Variants in ADAMTSL3 observed in about 807,000 individuals in gnomAD.
ADAMTSL3 encodes ADAMTS-like protein 3.
ADAMTSL3 carries 128 observed loss-of-function variants against 201.7 expected under a neutral mutation model. The ratio of observed to expected loss-of-function variants is 0.63; its 90% CI spans 0.55 to 0.73. The LOEUF (loss-of-function observed/expected upper bound fraction) is 0.73. Ranked by LOEUF, ADAMTSL3 falls within the 30% of genes least tolerant of loss-of-function variation. The probability of loss-of-function intolerance (pLI) is 0.00; values close to 1 mark genes in which losing one functional copy is unlikely to be tolerated. For missense variants in ADAMTSL3, 1,990 were observed against 2,119.6 expected (o/e 0.94, Z 1.20); for synonymous variants, 738 against 748.4 (o/e 0.99, Z 0.23).
intron 2 of ADAMTSL3, among the ~76,000 whole-genome samples, chr15:83,686,319 C>A (rs1471458972): frequency 6.6e-6 from 1 of 152,138 alleles, no homozygotes; most frequent in African/African-American, 2.4e-5. Flanking sequence ...AGGGGACAAA[C>A]AGATTTGTGG....
At chr15:83,687,820 G>C (rs2061558411) in intron 2 of ADAMTSL3, among the ~76,000 whole-genome samples, 1 of 152,240 alleles carries the variant, frequency 6.6e-6, no homozygotes, top group East Asian at 1.9e-4. Context: ...CTGATGGCGG[G>C]GATGGAGGAA....
intron 2 of ADAMTSL3, among the ~76,000 whole-genome samples, chr15:83,675,059 A>G (rs2061384254): frequency 6.6e-6 from 1 of 151,936 alleles, no homozygotes; most frequent in Admixed American, 6.6e-5. Context: ...TTGCTAATAC[A>G]CAGAAATACA....
intron 3 of ADAMTSL3, among the ~76,000 whole-genome samples, chr15:83,737,492 T>C (rs2062386599): frequency 6.6e-6 from 1 of 152,172 alleles, no homozygotes; most frequent in African/African-American, 2.4e-5. Flanking sequence ...CACTCTTCTC[T>C]CTTGCCTGCC....
chr15:83,799,578 A>G (rs1012816521), intron 4 of ADAMTSL3, among the ~76,000 whole-genome samples: 19 of 152,160 alleles, frequency 1.2e-4, no homozygotes, highest in African/African-American at 4.1e-4. Flanking sequence ...TTGAGTCAAT[A>G]TATCATCAAA....
At chr15:83,964,512 T>TA (rs930058973) in intron 19 of ADAMTSL3, among the ~76,000 whole-genome samples, 4 of 151,704 alleles carry the variant, frequency 2.6e-5, no homozygotes, top group Non-Finnish European at 5.9e-5. Context: ...CTCCAAGAAA[T>TA]ATGGGACTAT....
chr15:83,962,705 A>G (rs990700771), intron 19 of ADAMTSL3: 9 of 152,336 alleles, frequency 5.9e-5, no homozygotes, highest in African/African-American at 2.2e-4. Flanking sequence ...GTATCATAAA[A>G]TCAAAATCAG....
intron 3 of ADAMTSL3, among the ~76,000 whole-genome samples, chr15:83,714,870 C>CTT (rs2061990004): frequency 7.3e-5 from 1 of 13,678 alleles, no homozygotes; most frequent in Non-Finnish European, 1.0e-4. Flanking sequence ...CCCTCCCTCC[C>CTT]TCCCTCCCTT....
rs192497718 is a variant in ADAMTSL3, at chr15:83,786,353, A to G, written c.317+12703A>G. On this transcript the variant is annotated intron_variant, in intron 4 of 29. Transcript: ENST00000286744. ...TATGGGTACATAGGTGTATATATTT[A>G]TGTGAGATATTTTGATGCAGTAATA... 2.6e-5 allele frequency among the ~76,000 whole-genome samples: 4 copies of G among 152,272 alleles called. No individual in the cohort carries two copies. The South Asian group carries it at 8.3e-4, about 32-fold the overall frequency.
chr15:83,986,723 G>C (rs1206329194), intron 21 of ADAMTSL3, among the ~76,000 whole-genome samples: 2 of 152,220 alleles, frequency 1.3e-5, no homozygotes, highest in Non-Finnish European at 2.9e-5. Context: ...CATTCAATGA[G>C]AGAAACTGTG....
At chr15:83,666,056 A>G (rs560889583) in intron 2 of ADAMTSL3, among the ~76,000 whole-genome samples, 15 of 152,188 alleles carry the variant, frequency 9.9e-5, no homozygotes, top group Non-Finnish European at 1.5e-4. Flanking sequence ...ATCACCTTTA[A>G]TTATACTAAT....
chr15:83,769,541 T>C (rs118136305), intron 3 of ADAMTSL3, among the ~76,000 whole-genome samples: 1 of 152,238 alleles, frequency 6.6e-6, no homozygotes, highest in Non-Finnish European at 1.5e-5. Context: ...CTATTCCTGA[T>C]GACAGATTTG....
chr15:83,735,559 C>T (rs561732430), intron 3 of ADAMTSL3, among the ~76,000 whole-genome samples: 133 of 143,124 alleles, frequency 9.3e-4, no homozygotes, highest in African/African-American at 3.2e-3. Flanking sequence ...TGAAGAATTT[C>T]GTTTTAAGTA....
At chr15:83,849,161 A>T (rs561710790) in intron 7 of ADAMTSL3, among the ~76,000 whole-genome samples, 22 of 152,260 alleles carry the variant, frequency 1.4e-4, no homozygotes, top group Non-Finnish European at 2.6e-4. Context: ...TAAATTAGAC[A>T]CGGTCGCCTA....
At chr15:83,883,177 T>G (rs902931048) in intron 9 of ADAMTSL3, among the ~76,000 whole-genome samples, 2 of 135,408 alleles carry the variant, frequency 1.5e-5, no homozygotes, top group African/African-American at 5.6e-5. Flanking sequence ...TTATTTTATT[T>G]TATTTTATTT....
At chr15:83,971,283 C>T (rs566541950) in intron 20 of ADAMTSL3, among the ~76,000 whole-genome samples, 225 of 152,124 alleles carry the variant, frequency 1.5e-3, no homozygotes, top group Non-Finnish European at 2.5e-3. Flanking sequence ...GTGGGCCAGG[C>T]GCAGTGGCTC....
intron 25 of ADAMTSL3, among the ~76,000 whole-genome samples, chr15:84,019,942 T>G (rs1443650935): frequency 2.0e-5 from 3 of 148,128 alleles, no homozygotes; most frequent in Non-Finnish European, 4.5e-5. Context: ...ACATATTATA[T>G]GAAGTACAAG....
At chr15:83,868,806 C>G (rs937591651) in intron 8 of ADAMTSL3, among the ~76,000 whole-genome samples, 1 of 152,150 alleles carries the variant, frequency 6.6e-6, no homozygotes, top group East Asian at 1.9e-4. Flanking sequence ...ATATCCATGT[C>G]ACTGAGACTC....
At chr15:83,687,748 G>T (rs1238330138) in intron 2 of ADAMTSL3, among the ~76,000 whole-genome samples, 1 of 152,172 alleles carries the variant, frequency 6.6e-6, no homozygotes, top group African/African-American at 2.4e-5. Flanking sequence ...AGGGGGCCTA[G>T]CAGCCAGAAG....
rs537087772 is a variant in ADAMTSL3 at position 83,919,171 on chromosome 15, C to T, written c.1988-4733C>T. ...TGAGTCTGAAGTGAAGAGGAGCGGT[C>T]TGAACTGGAATGGTACATTTATGCA... On this transcript the variant is annotated intron_variant, in intron 16 of 29. Transcript: ENST00000286744. Among the ~76,000 whole-genome samples the T allele has an allele frequency of 2.2e-4, 34 of 152,200 alleles. No homozygotes were observed. The Middle Eastern group carries it at 0.014, about 61-fold the overall frequency.
Sources: allele counts gnomAD v4.1 joint callset (sites outside exome capture counted in the v4.1 genomes callset), GRCh38; gene constraint gnomAD v4.1.1; transcripts MANE v1.5; gene names NCBI Gene and HGNC (gene_info 2026-07-23, HGNC 2026-07-21).